PPFIA1: variants seen among roughly 807,000 people sequenced by gnomAD.
PPFIA1 encodes the protein PPFI scaffold protein A1, also known as liprin-alpha-1.
Under a neutral mutation model 149.9 loss-of-function variants are expected in PPFIA1, and 25 were observed. That is an observed-to-expected ratio of 0.17 (90% CI 0.12 to 0.23). PPFIA1 has a LOEUF of 0.23. PPFIA1 is among the 10% of genes least tolerant of loss of function. PPFIA1 has a pLI of 1.00. For missense variants in PPFIA1, 1,362 were observed against 1,506.5 expected (o/e 0.90, Z 1.59); for synonymous variants, 549 against 552.8 (o/e 0.99, Z 0.10).
chr11:70,380,266 A>G (rs900955200), intron 26 of PPFIA1, among the ~76,000 whole-genome samples: 2 of 151,686 alleles, frequency 1.3e-5, no homozygotes, highest in Non-Finnish European at 2.9e-5. Context: ...CCCTGTCTCT[A>G]GTAAAAATAC....
At chr11:70,367,736 C>A in intron 21 of PPFIA1, 1 of 382,632 alleles carries the variant, frequency 2.6e-6, no homozygotes, top group Non-Finnish European at 5.1e-6. Flanking sequence ...AAGTAGGGTT[C>A]TGCTTCCATG....
At chr11:70,315,347 TC>T (rs2053543953) in intron 2 of PPFIA1, among the ~76,000 whole-genome samples, 1 of 152,080 alleles carries the variant, frequency 6.6e-6, no homozygotes, top group Non-Finnish European at 1.5e-5. Flanking sequence ...TGTCCTCCTG[TC>T]CCCCTTTTAT....
chr11:70,325,680 C>T, intron 5 of PPFIA1, 106 bp downstream of exon 5: 1 of 883,868 alleles, frequency 1.1e-6, no homozygotes, highest in Non-Finnish European at 1.8e-6. Context: ...ACCTGTCATC[C>T]CAGCACTTTG....
At chr11:70,376,064 C>T (rs2057477318) in intron 24 of PPFIA1, among the ~76,000 whole-genome samples, 1 of 152,134 alleles carries the variant, frequency 6.6e-6, no homozygotes, top group African/African-American at 2.4e-5. Flanking sequence ...TCTTGGCTCA[C>T]TGCACCCTCT....
chr11:70,335,096 A>T (rs1261689441), intron 10 of PPFIA1, among the ~76,000 whole-genome samples: 2 of 152,220 alleles, frequency 1.3e-5, no homozygotes, highest in African/African-American at 4.8e-5. Flanking sequence ...ATAAAGAAAA[A>T]ATATGAAGGT....
At chr11:70,318,217 C>T (rs1267055864) in intron 2 of PPFIA1, among the ~76,000 whole-genome samples, 1 of 152,208 alleles carries the variant, frequency 6.6e-6, no homozygotes, top group Non-Finnish European at 1.5e-5. Context: ...CTTCTAGATG[C>T]CATTTCATAC....
At position 70,326,755 on chromosome 11, in the gene PPFIA1, G is replaced by A. The variant is rs772707467; in HGVS notation, c.867G>A (p.Thr289=). The part of the protein sequence containing the change: ...HVTELEEDLD[T]ARKDLIKSEE... The stretch of plus-strand genomic sequence containing the variant: ...CAGAACTGGAAGAGGATCTGGACAC[G>A]GCTAGAAAAGATCTCATCAAATCTG... Residue 289 remains threonine (T), a synonymous_variant, in exon 7 of 28, where the codon ACG becomes ACA. Coordinates refer to ENST00000253925, the MANE Select transcript of PPFIA1 (RefSeq NM_003626.5). The A allele has an allele frequency of 6.2e-6, 10 of 1,614,006 alleles. No individual in the cohort carries two copies. The highest frequency in any genetic ancestry group is 4.5e-5 in the East Asian group (2 of 44,892).
chr11:70,335,279 C>T (rs73517173), intron 10 of PPFIA1, among the ~76,000 whole-genome samples: 3,620 of 152,276 alleles, frequency 0.024, 164 homozygotes, highest in African/African-American at 0.083. Context: ...AAATCTGCTC[C>T]TTAAGTCCCT....
chr11:70,378,289 T>C, intron 26 of PPFIA1, 94 bp downstream of exon 26: 1 of 1,476,234 alleles, frequency 6.8e-7, no homozygotes, highest in East Asian at 2.3e-5. Flanking sequence ...GCCTATTTAA[T>C]ATGTTACAAG....
At chr11:70,360,547 T>C (rs1173726045) in intron 19 of PPFIA1, among the ~76,000 whole-genome samples, 1 of 152,224 alleles carries the variant, frequency 6.6e-6, no homozygotes, top group African/African-American at 2.4e-5. Context: ...GAATTACCTG[T>C]ACTACTTCCT....
chr11:70,282,916 T>C (rs1310771723), intron 2 of PPFIA1, among the ~76,000 whole-genome samples: 1 of 147,990 alleles, frequency 6.8e-6, no homozygotes, highest in East Asian at 2.1e-4. Context: ...CTCAGCTCAC[T>C]GCAACCTCCA....
intron 2 of PPFIA1, among the ~76,000 whole-genome samples, chr11:70,296,923 C>G (rs1399159274): frequency 2.6e-5 from 4 of 152,126 alleles, no homozygotes; most frequent in African/African-American, 9.7e-5. Flanking sequence ...CACTGTGAGA[C>G]GTGCCTCACA....
intron 15 of PPFIA1, among the ~76,000 whole-genome samples, chr11:70,345,545 G>T (rs548990530): frequency 6.6e-6 from 1 of 152,276 alleles, no homozygotes; most frequent in Non-Finnish European, 1.5e-5. Flanking sequence ...TGAACAGCTG[G>T]AAGGATGGAG....
chr11:70,336,337 A>G (rs891704580), intron 11 of PPFIA1, among the ~76,000 whole-genome samples: 2 of 152,068 alleles, frequency 1.3e-5, no homozygotes, highest in Non-Finnish European at 2.9e-5. Flanking sequence ...CGCCATCTCT[A>G]CTAAAAATAT....
At chr11:70,329,039 G>T (rs1309142293) in intron 7 of PPFIA1, among the ~76,000 whole-genome samples, 1 of 152,076 alleles carries the variant, frequency 6.6e-6, no homozygotes, top group Non-Finnish European at 1.5e-5. Flanking sequence ...AATTAAACTG[G>T]TACTTCTGTT....
At chr11:70,349,135 C>CAAAAAAAAAAAAAAA (rs749436919) in intron 16 of PPFIA1, among the ~76,000 whole-genome samples, 1 of 74,610 alleles carries the variant, frequency 1.3e-5, no homozygotes, top group South Asian at 4.5e-4. Flanking sequence ...CATCTACTAC[C>CAAAAAAAAAAAAAAA]AAAAAAAAAA....
At chr11:70,287,220 C>T (rs1237032921) in intron 2 of PPFIA1, among the ~76,000 whole-genome samples, 4 of 152,136 alleles carry the variant, frequency 2.6e-5, no homozygotes, top group Non-Finnish European at 5.9e-5. Flanking sequence ...CTCCATTCCT[C>T]CTCGGGCTGA....
intron 2 of PPFIA1, among the ~76,000 whole-genome samples, chr11:70,289,823 T>C (rs2051403606): frequency 6.6e-6 from 1 of 152,210 alleles, no homozygotes; most frequent in African/African-American, 2.4e-5. Flanking sequence ...ACACCTGCAG[T>C]CCAAGCTACT....
Position 70,349,874 on chromosome 11 carries a change from T to C in PPFIA1, c.2163+1454T>C, listed in dbSNP as rs543666338. ...TATGCTGGCTGACAGTCTCTATGCTTCCGTCATTGGTTTTGATTTCCTGTC... is the reference window on the plus strand; with the variant it reads ...TATGCTGGCTGACAGTCTCTATGCTCCCGTCATTGGTTTTGATTTCCTGTC... On this transcript the variant is annotated intron_variant, in intron 16 of 27. Coordinates refer to ENST00000253925, the MANE Select transcript of PPFIA1 (RefSeq NM_003626.5). 2.9e-4 allele frequency: 132 copies of C among 455,478 alleles called. 1 individual carries two copies. Among genetic ancestry groups the C allele is most frequent in the South Asian group, 1.7e-3 (112 of 64,478 alleles). The allele number at this position is 455,478 out of a possible 1,614,324, so 28.2% of individuals were successfully genotyped here.
Sources: gnomAD v4.1 joint callset for allele counts (sites outside exome capture counted in the v4.1 genomes callset) on GRCh38, gnomAD v4.1.1 for gene constraint, MANE v1.5 for transcripts, NCBI Gene and HGNC (gene_info 2026-07-23, HGNC 2026-07-21) for gene names.